Variants in TFDP1 observed in about 807,000 individuals in gnomAD.
TFDP1 encodes DRTF1-polypeptide 1.
Under a neutral mutation model 48.0 loss-of-function variants are expected in TFDP1, and 6 were observed. That is an observed-to-expected ratio of 0.13 (90% CI 0.07 to 0.25). The LOEUF is 0.25. TFDP1 is among the 10% of genes least tolerant of loss of function. The pLI is 1.00. For synonymous variants in TFDP1, 201 were observed against 211.6 expected, an observed-to-expected ratio of 0.95 and a Z score of 0.44; for missense variants, 335 against 543.0, an observed-to-expected ratio of 0.62 and a Z score of 3.81.
intron 3 of TFDP1, among the ~76,000 whole-genome samples, chr13:113,612,048 A>G (rs189510342): frequency 1.1e-3 from 162 of 152,298 alleles, no homozygotes; most frequent in Non-Finnish European, 1.2e-3. Flanking sequence ...TACTCTTAAC[A>G]TTGTGACCCT....
chr13:113,586,725 G>A (rs374341246), intron 2 of TFDP1, among the ~76,000 whole-genome samples: 22 of 152,324 alleles, frequency 1.4e-4, no homozygotes, highest in African/African-American at 4.6e-4. Context: ...TGGTCCCTGC[G>A]AGGCCTTTTG....
chr13:113,605,202 GGT>G (rs2048534235), intron 2 of TFDP1, among the ~76,000 whole-genome samples: 1 of 152,128 alleles, frequency 6.6e-6, no homozygotes, highest in Non-Finnish European at 1.5e-5. Flanking sequence ...CCAGGAAAGG[GGT>G]GGGTGTCAGA....
At position 113,631,634 on chromosome 13, in the gene TFDP1, G is replaced by T; in HGVS notation, c.198G>T (p.Thr66=). The part of the protein sequence containing the change: ...VNIAQQVVIG[T]PQRPAASNTL... ...TTTTTCGACTGTAGGTAATTGGTAC[G>T]CCTCAGAGACCGGCAGCGTCAAACA... Residue 66 remains threonine, a synonymous_variant, in exon 5 of 12, where the codon ACG becomes ACT. Coordinates refer to ENST00000375370, the MANE Select transcript of TFDP1 (RefSeq NM_007111.5). 1 of 1,613,816 alleles carries T rather than the reference G, an allele frequency of 6.2e-7. No individual in the cohort carries two copies.
At chr13:113,629,796 G>A (rs2049286080) in intron 4 of TFDP1, among the ~76,000 whole-genome samples, 1 of 152,182 alleles carries the variant, frequency 6.6e-6, no homozygotes, top group African/African-American at 2.4e-5. Flanking sequence ...CTCTTTGTGA[G>A]TAGGTTTGCT....
intron 4 of TFDP1, among the ~76,000 whole-genome samples, chr13:113,626,068 G>GGTGTCTCTCAC (rs2049168630): frequency 6.8e-6 from 1 of 146,540 alleles, no homozygotes; most frequent in Non-Finnish European, 1.5e-5. Context: ...CATGTCCTCA[G>GGTGTCTCTCAC]GTGTCTCTCA....
chr13:113,616,925 G>A (rs1019711845), intron 3 of TFDP1, among the ~76,000 whole-genome samples: 4 of 152,192 alleles, frequency 2.6e-5, no homozygotes, highest in African/African-American at 9.7e-5. Flanking sequence ...CCCGAAGGAT[G>A]TTAAAAGCCC....
intron 2 of TFDP1, among the ~76,000 whole-genome samples, chr13:113,599,789 G>A (rs953679454): frequency 6.6e-6 from 1 of 152,048 alleles, no homozygotes; most frequent in African/African-American, 2.4e-5. Context: ...TAGGGCTCCA[G>A]GACTACGAGA....
At chr13:113,606,258 G>A (rs552385155) in intron 2 of TFDP1, among the ~76,000 whole-genome samples, 4 of 151,990 alleles carry the variant, frequency 2.6e-5, no homozygotes, top group South Asian at 2.1e-4. Flanking sequence ...CCGCAGGGGA[G>A]CCTGTTCTGG....
chr13:113,635,782 C>A (rs561105633), intron 8 of TFDP1, among the ~76,000 whole-genome samples, 195 bp from the exon 9 acceptor site: 2 of 152,172 alleles, frequency 1.3e-5, no homozygotes, highest in Admixed American at 1.3e-4. Flanking sequence ...GTTCTCCCCT[C>A]AGGATCCCGT....
intron 3 of TFDP1, among the ~76,000 whole-genome samples, chr13:113,619,281 T>C (rs1732517360): frequency 6.6e-6 from 1 of 152,156 alleles, no homozygotes; most frequent in Non-Finnish European, 1.5e-5. Flanking sequence ...AAGACCAGCC[T>C]GGCCAACATG....
intron 4 of TFDP1, among the ~76,000 whole-genome samples, chr13:113,630,181 A>ACACACG (rs1037488320): frequency 2.0e-5 from 3 of 151,392 alleles, no homozygotes; most frequent in African/African-American, 7.3e-5. Context: ...ACACACACAC[A>ACACACG]CGCGTATTGA....
intron 3 of TFDP1, among the ~76,000 whole-genome samples, chr13:113,612,875 C>T (rs1410224664): frequency 6.6e-6 from 1 of 152,232 alleles, no homozygotes; most frequent in Non-Finnish European, 1.5e-5. Context: ...CATTTCCCCT[C>T]AGCTCGCCCC....
chr13:113,640,306 T>C lies in TFDP1; in HGVS notation c.*39T>C. On this transcript the variant is annotated 3_prime_UTR_variant, in exon 12 of 12. Transcript: ENST00000375370. ...TCAGATTCGGCTTCAGGAAAACGTT[T>C]AGCGAAAAGAAACTTTTTTTTTAAT... 3 of 1,578,486 alleles carry C rather than the reference T, an allele frequency of 1.9e-6. No individual in the cohort carries two copies. Among genetic ancestry groups the C allele is most frequent in the Non-Finnish European group, 2.6e-6 (3 of 1,164,202 alleles).
chr13:113,624,612 C>A (rs2049079542), intron 4 of TFDP1, among the ~76,000 whole-genome samples: 1 of 144,520 alleles, frequency 6.9e-6, no homozygotes. Flanking sequence ...CTCAGGGTAT[C>A]TCTCACATGT....
intron 4 of TFDP1, among the ~76,000 whole-genome samples, chr13:113,630,534 C>T (rs964127199): frequency 6.6e-6 from 1 of 152,048 alleles, no homozygotes; most frequent in African/African-American, 2.4e-5. Context: ...CCACATGAAG[C>T]CCCCCCGCCA....
At chr13:113,608,592 C>T (rs1356024199) in intron 2 of TFDP1, among the ~76,000 whole-genome samples, 1 of 152,208 alleles carries the variant, frequency 6.6e-6, no homozygotes, top group Non-Finnish European at 1.5e-5. Flanking sequence ...GCCCTTGACT[C>T]CTGGCCTCAC....
chr13:113,600,536 G>T (rs568087708), intron 2 of TFDP1, among the ~76,000 whole-genome samples: 1 of 138,138 alleles, frequency 7.2e-6, no homozygotes, highest in African/African-American at 2.8e-5. Context: ...GAACCCTCAC[G>T]TGGGGATCCA....
intron 3 of TFDP1, among the ~76,000 whole-genome samples, chr13:113,614,241 G>C (rs1434735078): frequency 6.6e-6 from 1 of 151,600 alleles, no homozygotes; most frequent in African/African-American, 2.4e-5. Context: ...TGTGAGTTGA[G>C]TGTGAGTTCT....
At chr13:113,610,874 CTG>C in intron 2 of TFDP1, 120 bp from the exon 3 acceptor site, 2 of 870,004 alleles carry the variant, frequency 2.3e-6, no homozygotes, top group South Asian at 1.5e-5. Context: ...GCTTGCTTAA[CTG>C]TGGTCCTTCT....
Sources: allele counts gnomAD v4.1 joint callset (sites outside exome capture counted in the v4.1 genomes callset), GRCh38; gene constraint gnomAD v4.1.1; transcripts MANE v1.5; gene names NCBI Gene and HGNC (gene_info 2026-07-23, HGNC 2026-07-21).